The following MDGA2 variants were observed in gnomAD, a reference collection of about 807,000 sequenced individuals.
MDGA2 encodes MAM domain-containing glycosylphosphatidylinositol anchor protein 2.
A neutral mutation model predicts 117.8 loss-of-function variants in MDGA2; 40 were observed. The observed-to-expected ratio is 0.34, with a 90% CI of 0.26 to 0.44. MDGA2 has a LOEUF of 0.44. MDGA2 is among the 20% of genes least tolerant of loss of function. The pLI is 1.00. For synonymous variants in MDGA2, 452 were observed against 439.0 expected, an observed-to-expected ratio of 1.03 and a Z score of -0.37; for missense variants, 1,123 against 1,250.6, an observed-to-expected ratio of 0.90 and a Z score of 1.54.
intron 15 of MDGA2, among the ~76,000 whole-genome samples, chr14:46,846,188 T>G (rs73250858): frequency 0.051 from 7,751 of 152,186 alleles, 662 homozygotes; most frequent in African/African-American, 0.18. Context: ...AGAAAAAATG[T>G]TTTATTTGAA....
chr14:47,193,116 T>G (rs1294001963), intron 3 of MDGA2, among the ~76,000 whole-genome samples: 1 of 152,220 alleles, frequency 6.6e-6, no homozygotes, highest in Non-Finnish European at 1.5e-5. Context: ...AAGTATTATC[T>G]TTCTTGGAAA....
chr14:46,893,913 C>T (rs74044908), intron 10 of MDGA2, among the ~76,000 whole-genome samples: 13,748 of 151,758 alleles, frequency 0.091, 728 homozygotes, highest in African/African-American at 0.13. Context: ...TTTTTTTAGA[C>T]TTCTATGTAT....
In MDGA2 at chr14:47,403,062, C is replaced by A. The variant is rs141069612; in HGVS notation, c.281-101512G>T. 1.1e-3 allele frequency among the ~76,000 whole-genome samples: 170 copies of A among 152,290 alleles called. 1 individual carries two copies. The highest frequency in any genetic ancestry group is 3.6e-3 in the African/African-American group (149 of 41,552). ...TCCCATGTTAAAAACAGCAGACTTTCTCTCCACACTTTCTCTCTCTAGCGT... is the reference window on the plus strand; with the variant it reads ...TCCCATGTTAAAAACAGCAGACTTTATCTCCACACTTTCTCTCTCTAGCGT... On this transcript the variant is annotated intron_variant, in intron 1 of 16. Transcript: ENST00000399232.
At chr14:46,992,193 G>A (rs181033607) in intron 8 of MDGA2, among the ~76,000 whole-genome samples, 3 of 152,166 alleles carry the variant, frequency 2.0e-5, no homozygotes, top group Non-Finnish European at 4.4e-5. Context: ...TCCACAATAT[G>A]AACATAAGCA....
intron 1 of MDGA2, among the ~76,000 whole-genome samples, chr14:47,576,393 C>G (rs932507074): frequency 2.6e-5 from 4 of 152,060 alleles, no homozygotes; most frequent in Non-Finnish European, 5.9e-5. Flanking sequence ...AGATTCCTTC[C>G]ACATGAATTT....
intron 6 of MDGA2, among the ~76,000 whole-genome samples, chr14:47,095,329 T>C (rs1240895446): frequency 2.0e-5 from 3 of 152,024 alleles, no homozygotes; most frequent in East Asian, 1.9e-4. Flanking sequence ...TTTGGAATTA[T>C]TAATGCTCTT....
At position 47,348,494 on chromosome 14, in the gene MDGA2, G is replaced by A. The variant is rs549646684; in HGVS notation, c.281-46944C>T. On this transcript the variant is annotated intron_variant, in intron 1 of 16. Coordinates refer to ENST00000399232, the MANE Select transcript of MDGA2 (RefSeq NM_001113498.3). ...CCCAAAATGCTGGGAGTATAGGCATGAGCTACCGCATCAGGCCCCTTAACA... is the reference window on the plus strand; with the variant it reads ...CCCAAAATGCTGGGAGTATAGGCATAAGCTACCGCATCAGGCCCCTTAACA... Among the ~76,000 whole-genome samples, 91 of 152,292 alleles carry A rather than the reference G, an allele frequency of 6.0e-4. 1 individual carries two copies. The highest frequency in any genetic ancestry group is 5.7e-4 in the Non-Finnish European group (39 of 68,026).
intron 1 of MDGA2, among the ~76,000 whole-genome samples, chr14:47,320,087 G>A (rs1223131371): frequency 6.6e-6 from 1 of 152,092 alleles, no homozygotes; most frequent in Non-Finnish European, 1.5e-5. Flanking sequence ...CTTCCTTACA[G>A]CCCTCAGAAG....
intron 7 of MDGA2, among the ~76,000 whole-genome samples, chr14:47,047,906 T>C (rs1212981722): frequency 6.6e-6 from 1 of 152,028 alleles, no homozygotes; most frequent in Non-Finnish European, 1.5e-5. Context: ...GGATACTATT[T>C]GAAGAAAATG....
chr14:47,356,176 C>A (rs1483675863), intron 1 of MDGA2, among the ~76,000 whole-genome samples: 1 of 152,166 alleles, frequency 6.6e-6, no homozygotes, highest in Non-Finnish European at 1.5e-5. Flanking sequence ...GACCCCTCCC[C>A]AGCACACACT....
chr14:47,074,289 C>T (rs1186514853), intron 6 of MDGA2, among the ~76,000 whole-genome samples: 1 of 150,992 alleles, frequency 6.6e-6, no homozygotes, highest in East Asian at 1.9e-4. Flanking sequence ...TTTTGATTCT[C>T]ACCAGTAACA....
intron 8 of MDGA2, among the ~76,000 whole-genome samples, chr14:46,988,909 G>A (rs567137734): frequency 6.6e-6 from 1 of 151,550 alleles, no homozygotes; most frequent in East Asian, 1.9e-4. Context: ...TAGAGAGAAG[G>A]ATTTTAAAAG....
intron 1 of MDGA2, among the ~76,000 whole-genome samples, chr14:47,470,037 TCACAGTGGC>T (rs1893688138): frequency 2.6e-5 from 4 of 152,266 alleles, no homozygotes; most frequent in Admixed American, 1.3e-4. Context: ...GTCAGCTCCA[TCACAGTGGC>T]AGCTAGGAGA....
At chr14:47,145,520 T>C (rs1028977236) in intron 3 of MDGA2, among the ~76,000 whole-genome samples, 1 of 152,154 alleles carries the variant, frequency 6.6e-6, no homozygotes, top group African/African-American at 2.4e-5. Context: ...AAGCTTTTAG[T>C]TCCATGTGCT....
chr14:47,356,137 G>T (rs796844327), intron 1 of MDGA2, among the ~76,000 whole-genome samples: 1 of 152,102 alleles, frequency 6.6e-6, no homozygotes, highest in Non-Finnish European at 1.5e-5. Flanking sequence ...CATCACTCAC[G>T]AGAGAAGAAA....
chr14:46,975,902 C>T (rs531925525), intron 8 of MDGA2, among the ~76,000 whole-genome samples: 3 of 152,146 alleles, frequency 2.0e-5, no homozygotes, highest in Non-Finnish European at 2.9e-5. Context: ...AATCTTGAAC[C>T]TCTTTTATAC....
chr14:47,596,949 A>G (rs1353607092), intron 1 of MDGA2, among the ~76,000 whole-genome samples: 1 of 152,158 alleles, frequency 6.6e-6, no homozygotes, highest in African/African-American at 2.4e-5. Flanking sequence ...CCCATTCTGT[A>G]AGAGCCCTGC....
At chr14:47,516,286 TG>T (rs1048785421) in intron 1 of MDGA2, among the ~76,000 whole-genome samples, 4 of 151,982 alleles carry the variant, frequency 2.6e-5, no homozygotes, top group Non-Finnish European at 5.9e-5. Flanking sequence ...TCATAAGGAG[TG>T]TTGTAAAATG....
chr14:47,228,177 T>A (rs1886572450), intron 2 of MDGA2, among the ~76,000 whole-genome samples: 1 of 152,074 alleles, frequency 6.6e-6, no homozygotes, highest in Non-Finnish European at 1.5e-5. Context: ...TAAAAAAAAA[T>A]ACTGGATCTG....
Sources: gnomAD v4.1 joint callset for allele counts (sites outside exome capture counted in the v4.1 genomes callset) on GRCh38, gnomAD v4.1.1 for gene constraint, MANE v1.5 for transcripts, NCBI Gene and HGNC (gene_info 2026-07-23, HGNC 2026-07-21) for gene names.